Variants in HTT observed in about 807,000 individuals in gnomAD.
HTT encodes huntingtin.
In HTT, 104 loss-of-function variants were observed where a neutral mutation model predicts 362.3. The observed-to-expected ratio is 0.29, with a 90% CI of 0.24 to 0.34. The LOEUF (loss-of-function observed/expected upper bound fraction) is 0.34. HTT is among the 10% of genes least tolerant of loss of function. HTT has a pLI of 1.00. For missense variants in HTT, 3,301 were observed against 3,928.6 expected, an observed-to-expected ratio of 0.84 and a Z score of 4.27; for synonymous variants, 1,577 against 1,548.7, an observed-to-expected ratio of 1.02 and a Z score of -0.43.
rs1233207370 is a variant in HTT, at chr4:3,240,210, T to C, written c.*151T>C. 6 of 651,804 alleles carry C rather than the reference T, an allele frequency of 9.2e-6. No individual in the cohort carries two copies. Among genetic ancestry groups the C allele is most frequent in the Admixed American group, 2.6e-5 (1 of 38,954 alleles). 40.4% of individuals were successfully genotyped at this position (651,804 alleles called of 1,614,324 possible). On this transcript the variant is annotated 3_prime_UTR_variant, in exon 67 of 67. Coordinates refer to ENST00000355072, the MANE Select transcript of HTT (RefSeq NM_001388492.1). ...CCAGGCAACGTGCGTGTCTCTGCCA[T>C]GTGGCAGAAGTGCTCTTTGTGGCAG...
In HTT at chr4:3,239,962, C is replaced by A. The variant is rs1326788791; in HGVS notation, c.9332C>A (p.Ala3111Asp). Residue 3111 changes from alanine (A) to aspartate (D), a missense_variant, in exon 67 of 67, where the codon GCC becomes GAC. Ala to Asp is a moderately radical substitution (Grantham distance 126, BLOSUM62 -2). Around this residue, in one of 4 missense-constraint regions of HTT, gnomAD observed 753 missense variants for 1,021.3 expected, o/e 0.74. Transcript: ENST00000355072. ...ATAGAGGAGGAGCTCGACCGCAGGG[C>A]CTTCCAGTCTGTGCTTGAGGTGGTT... is the stretch of plus-strand genomic sequence containing the variant. Reference protein sequence around the residue: ...HQIEEELDRRAFQSVLEVVAA... With the variant: ...HQIEEELDRRDFQSVLEVVAA... 3 of 1,595,314 alleles carry A rather than the reference C, an allele frequency of 1.9e-6. No homozygotes were observed. Among genetic ancestry groups the A allele is most frequent in the Non-Finnish European group, 2.6e-6 (3 of 1,170,294 alleles).
At chr4:3,143,959 C>G (rs1716476819) in intron 23 of HTT, among the ~76,000 whole-genome samples, 2 of 151,890 alleles carry the variant, frequency 1.3e-5, no homozygotes, top group African/African-American at 4.8e-5. Context: ...CCATAATATC[C>G]AAGAATCCAA....
chr4:3,204,713 A>C (rs1719770104), intron 42 of HTT, among the ~76,000 whole-genome samples: 1 of 152,200 alleles, frequency 6.6e-6, no homozygotes, highest in Non-Finnish European at 1.5e-5. Context: ...CGTGCCTGTA[A>C]TCACAGCTCT....
chr4:3,185,092 G>T (rs1718700802), intron 37 of HTT, among the ~76,000 whole-genome samples: 1 of 152,192 alleles, frequency 6.6e-6, no homozygotes, highest in South Asian at 2.1e-4. Context: ...GAAAGGACAG[G>T]AGAGAGACTT....
chr4:3,185,909 A>AGAGG (rs1473534441), intron 37 of HTT, among the ~76,000 whole-genome samples: 5 of 151,710 alleles, frequency 3.3e-5, no homozygotes, highest in African/African-American at 1.2e-4. Context: ...GAAAGAAGAG[A>AGAGG]GAGGGAGGGA....
chr4:3,142,954 G>A, intron 23 of HTT, 68 bp downstream of exon 23: 1 of 1,273,682 alleles, frequency 7.9e-7, no homozygotes. Flanking sequence ...TGGCCAGTTA[G>A]TTGTATGGTC....
chr4:3,226,883 A>G (rs1305148578), intron 57 of HTT, among the ~76,000 whole-genome samples: 1 of 152,132 alleles, frequency 6.6e-6, no homozygotes, highest in African/African-American at 2.4e-5. Flanking sequence ...ACCAGCCTGT[A>G]TTTTTCTAGA....
intron 6 of HTT, among the ~76,000 whole-genome samples, chr4:3,108,378 T>C (rs1407176198): frequency 2.6e-5 from 4 of 152,102 alleles, no homozygotes; most frequent in Non-Finnish European, 5.9e-5. Flanking sequence ...AAGAATTTAG[T>C]GTAATATTTC....
chr4:3,172,660 G>T (rs1445756101), intron 30 of HTT, among the ~76,000 whole-genome samples: 1 of 152,084 alleles, frequency 6.6e-6, no homozygotes, highest in South Asian at 2.1e-4. Flanking sequence ...CCAGTCCCTC[G>T]GAGTTTCTGT....
chr4:3,104,116 T>C (rs1395860729), intron 4 of HTT, among the ~76,000 whole-genome samples: 1 of 152,094 alleles, frequency 6.6e-6, no homozygotes, highest in East Asian at 1.9e-4. Flanking sequence ...TATTTTATTT[T>C]TGAGACAGAG....
In HTT at chr4:3,184,482, G is replaced by A. The variant is rs563510013; in HGVS notation, c.4866+2012G>A. On this transcript the variant is annotated intron_variant, in intron 37 of 66. Coordinates refer to ENST00000355072, the MANE Select transcript of HTT (RefSeq NM_001388492.1). The stretch of plus-strand genomic sequence containing the variant: ...GTGAGGGCAGAGCAGGGCCACCCAT[G>A]TGAGACCCGGCACTGGAGTGGAATG... Among the ~76,000 whole-genome samples, 29 of 152,262 alleles carry A rather than the reference G, an allele frequency of 1.9e-4. No homozygotes were observed. In the South Asian group the frequency reaches 4.8e-3, roughly 25 times the overall value.
intron 1 of HTT, among the ~76,000 whole-genome samples, chr4:3,079,098 G>C (rs184807869): frequency 6.6e-6 from 1 of 151,934 alleles, no homozygotes; most frequent in African/African-American, 2.4e-5. Flanking sequence ...GTTTTGCCAT[G>C]ATGAGCAGGC....
At chr4:3,176,025 G>GTTTTTT (rs777646822) in intron 33 of HTT, among the ~76,000 whole-genome samples, 1,742 of 138,762 alleles carry the variant, frequency 0.013, 66 homozygotes, top group African/African-American at 0.036. Flanking sequence ...GTTGTTGTTT[G>GTTTTTT]TTTTTTTTTG....
chr4:3,166,253 A>G (rs1227684238), intron 29 of HTT, among the ~76,000 whole-genome samples: 1 of 152,228 alleles, frequency 6.6e-6, no homozygotes, highest in Non-Finnish European at 1.5e-5. Context: ...GCTGCAGAAC[A>G]GCAAATATTG....
intron 61 of HTT, among the ~76,000 whole-genome samples, chr4:3,234,945 G>C (rs1196254245): frequency 6.6e-6 from 1 of 152,230 alleles, no homozygotes; most frequent in African/African-American, 2.4e-5. Context: ...AGGAAGTAGA[G>C]GGGACTGGCC....
intron 60 of HTT, among the ~76,000 whole-genome samples, chr4:3,232,829 GT>G (rs1172261488): frequency 6.6e-6 from 1 of 152,212 alleles, no homozygotes; most frequent in Non-Finnish European, 1.5e-5. Context: ...CGGTGCCAGG[GT>G]TTTTACTGGG....
rs749771960 is a variant in HTT at position 3,136,321 on chromosome 4, A to G, written c.2793A>G (p.Leu931=). 3.2e-6 allele frequency: 5 copies of G among 1,557,066 alleles called. 1 individual carries two copies. The South Asian group carries it at 5.6e-5, about 18-fold the overall frequency. The change falls in exon 21 of 67, where the codon CTA becomes CTG. Residue 931 remains leucine, a synonymous_variant. Coordinates refer to ENST00000355072, the MANE Select transcript of HTT (RefSeq NM_001388492.1). ...TGCGACATGTTGCCGCAGCATCACTAATTAGGTATTTACCAATATTTTATC... is the reference window on the plus strand; with the variant it reads ...TGCGACATGTTGCCGCAGCATCACTGATTAGGTATTTACCAATATTTTATC... ...PRVRHVAAAS[L]IRLVPKLFYK... is the part of the protein sequence containing the mutation.
intron 45 of HTT, among the ~76,000 whole-genome samples, chr4:3,207,946 C>T (rs1403902504): frequency 2.0e-5 from 3 of 146,536 alleles, no homozygotes; most frequent in Non-Finnish European, 4.5e-5. Context: ...GGGTGGGGGG[C>T]AGGGATTGTG....
intron 37 of HTT, among the ~76,000 whole-genome samples, chr4:3,186,329 G>T (rs1718755023): frequency 6.6e-6 from 1 of 152,038 alleles, no homozygotes; most frequent in South Asian, 2.1e-4. Flanking sequence ...TCACACTTTT[G>T]TATATTTGAG....
Sources: gnomAD v4.1 joint callset for allele counts (sites outside exome capture counted in the v4.1 genomes callset) on GRCh38, gnomAD v4.1.1 for gene constraint, gnomAD v4.1.1 regional missense constraint, MANE v1.5 for transcripts, NCBI Gene and HGNC (gene_info 2026-07-23, HGNC 2026-07-21) for gene names.